WNT9B: variants seen among roughly 807,000 people sequenced by gnomAD.
WNT9B encodes the protein Wnt family member 9B, also known as protein Wnt-9b.
A neutral mutation model predicts 30.2 loss-of-function variants in WNT9B; 12 were observed. The ratio of observed to expected loss-of-function variants is 0.40; its 90% confidence interval spans 0.26 to 0.64. The LOEUF is 0.64. WNT9B is among the 30% of genes least tolerant of loss of function. The pLI is 0.42. For missense variants in WNT9B, 442 were observed against 485.2 expected, an observed-to-expected ratio of 0.91 and a Z score of 0.84; for synonymous variants, 218 against 216.9, an observed-to-expected ratio of 1.01 and a Z score of -0.05.
intron 1 of WNT9B, among the ~76,000 whole-genome samples, chr17:46,840,223 A>G (rs2084696840): frequency 6.6e-6 from 1 of 151,796 alleles, no homozygotes; most frequent in Non-Finnish European, 1.5e-5. Flanking sequence ...AGTAGCTGGT[A>G]CTACAGGTGC....
intron 1 of WNT9B, among the ~76,000 whole-genome samples, chr17:46,865,445 G>A (rs2085117072): frequency 6.6e-6 from 1 of 152,150 alleles, no homozygotes; most frequent in Admixed American, 6.5e-5. Flanking sequence ...GTGGGCTCCA[G>A]CGGGGAAGTG....
chr17:46,853,362 A>ATTTT (rs1177674765), intron 1 of WNT9B, among the ~76,000 whole-genome samples: 3 of 84,450 alleles, frequency 3.6e-5, no homozygotes, highest in East Asian at 8.4e-4. Flanking sequence ...AATGCTAGTG[A>ATTTT]CTTTTTTTTT....
intron 1 of WNT9B, among the ~76,000 whole-genome samples, chr17:46,854,825 A>G (rs924622831): frequency 1.3e-5 from 2 of 151,440 alleles, no homozygotes; most frequent in Non-Finnish European, 2.9e-5. Context: ...ACACCCCACT[A>G]ATTTTTGTAT....
intron 1 of WNT9B, among the ~76,000 whole-genome samples, chr17:46,833,991 T>G (rs2084590754): frequency 6.6e-6 from 1 of 151,756 alleles, no homozygotes; most frequent in Non-Finnish European, 1.5e-5. Context: ...AGGCCAAGAG[T>G]TTGAGACCAA....
chr17:46,854,361 T>A (rs2084905260), intron 1 of WNT9B, among the ~76,000 whole-genome samples: 3 of 152,200 alleles, frequency 2.0e-5, no homozygotes, highest in Admixed American at 2.0e-4. Context: ...CACAAAGTGC[T>A]TTGGCATCCT....
chr17:46,857,240 G>A (rs372216298), intron 1 of WNT9B, among the ~76,000 whole-genome samples: 44 of 152,104 alleles, frequency 2.9e-4, no homozygotes, highest in African/African-American at 1.0e-3. Context: ...AGGCCGAGAC[G>A]GGCAGATCAC....
At chr17:46,843,105 G>A (rs1011664327) in intron 1 of WNT9B, among the ~76,000 whole-genome samples, 2 of 152,240 alleles carry the variant, frequency 1.3e-5, no homozygotes, top group African/African-American at 4.8e-5. Flanking sequence ...TGAGGAAGAA[G>A]GTGGGCACAT....
intron 1 of WNT9B, among the ~76,000 whole-genome samples, chr17:46,834,382 G>A (rs2084598266): frequency 6.6e-6 from 1 of 151,784 alleles, no homozygotes; most frequent in South Asian, 2.1e-4. Context: ...GAGAGGGCAG[G>A]CTGCTGGGGA....
chr17:46,850,537 A>AT (rs371469095), upstream of WNT9B, among the ~76,000 whole-genome samples: 47 of 152,240 alleles, frequency 3.1e-4, no homozygotes, highest in African/African-American at 1.1e-3. Context: ...TGCATGGCTG[A>AT]TTTTTTGGAA....
chr17:46,845,526 G>A (rs2084765921), intron 1 of WNT9B, among the ~76,000 whole-genome samples: 1 of 130,930 alleles, frequency 7.6e-6, no homozygotes, highest in African/African-American at 2.9e-5. Flanking sequence ...GTCTTGCTCT[G>A]TCACCCTGGC....
chr17:46,846,802 G>C (rs371772726), upstream of WNT9B, among the ~76,000 whole-genome samples: 17 of 152,194 alleles, frequency 1.1e-4, no homozygotes, highest in East Asian at 1.2e-3. Context: ...AGGGAGGGAG[G>C]AACAGAAGTG....
At chr17:46,841,024 G>A (rs1598827538) in intron 1 of WNT9B, among the ~76,000 whole-genome samples, 3 of 152,116 alleles carry the variant, frequency 2.0e-5, no homozygotes, top group Admixed American at 1.3e-4. Context: ...ACCATGGAAC[G>A]CCTTTCCCGA....
At chr17:46,851,024 A>G (rs1873277721), upstream of WNT9B, among the ~76,000 whole-genome samples, 1 of 152,190 alleles carries the variant, frequency 6.6e-6, no homozygotes, top group Admixed American at 6.5e-5. The surrounding 1 kb of genome is among the most constrained non-coding windows in gnomAD (Gnocchi z 4.3). Flanking sequence ...TTGCCTGGCA[A>G]CAGGGTCCCC....
chr17:46,841,400 C>T (rs2084711580), intron 1 of WNT9B, among the ~76,000 whole-genome samples: 1 of 152,258 alleles, frequency 6.6e-6, no homozygotes, highest in Middle Eastern at 3.4e-3. Context: ...AGTCATGCAT[C>T]GATATTCATC....
At chr17:46,838,307 G>A (rs1230373751) in intron 1 of WNT9B, among the ~76,000 whole-genome samples, 1 of 148,650 alleles carries the variant, frequency 6.7e-6, no homozygotes. Context: ...AGAAGAGATA[G>A]AACGGGGCCT....
chr17:46,833,551 G>A, intron 1 of WNT9B: 2 of 402,944 alleles, frequency 5.0e-6, no homozygotes, highest in Non-Finnish European at 1.0e-5. Context: ...GCCGACCTGA[G>A]CTCAAACTCA....
intron 1 of WNT9B, among the ~76,000 whole-genome samples, chr17:46,857,778 A>G (rs1441826328): frequency 6.6e-6 from 1 of 152,206 alleles, no homozygotes; most frequent in South Asian, 2.1e-4. Context: ...AGTATGTAGT[A>G]GTATCTCATT....
At chr17:46,844,426 C>T (rs1319841192) in intron 1 of WNT9B, among the ~76,000 whole-genome samples, 1 of 151,514 alleles carries the variant, frequency 6.6e-6, no homozygotes, top group African/African-American at 2.4e-5. Context: ...TGCAGTCCTA[C>T]CATGAGTTCA....
intron 1 of WNT9B, among the ~76,000 whole-genome samples, chr17:46,861,394 A>C (rs1169901896): frequency 6.7e-6 from 1 of 150,230 alleles, no homozygotes; most frequent in Admixed American, 6.6e-5. Context: ...TCTCCCTTTC[A>C]CTGGCCCTTC....
Sources: allele counts gnomAD v4.1 joint callset (sites outside exome capture counted in the v4.1 genomes callset), GRCh38; gene constraint gnomAD v4.1.1; non-coding constraint Gnocchi (gnomAD v3.1); transcripts MANE v1.5; gene names NCBI Gene and HGNC (gene_info 2026-07-23, HGNC 2026-07-21).